The following IPO7 variants were observed in gnomAD, a reference collection of about 807,000 sequenced individuals.
IPO7 encodes importin-7.
Under a neutral mutation model 136.4 loss-of-function variants are expected in IPO7, and 13 were observed. The observed-to-expected ratio is 0.10, with a 90% confidence interval of 0.06 to 0.15. IPO7 has a LOEUF of 0.15. Among genes scored for constraint, IPO7 ranks in the 10% least tolerant of loss-of-function variants. The pLI is 1.00. For synonymous variants in IPO7, 403 were observed against 404.4 expected, an observed-to-expected ratio of 1.00 and a Z score of 0.04; for missense variants, 857 against 1,240.6, an observed-to-expected ratio of 0.69 and a Z score of 4.65.
intron 1 of IPO7, among the ~76,000 whole-genome samples, chr11:9,390,048 G>A (rs946055046): frequency 4.5e-4 from 69 of 151,914 alleles, no homozygotes; most frequent in African/African-American, 1.6e-3. Context: ...GAGCCACTGC[G>A]CCTGGCCTAA....
At chr11:9,432,156 T>C (rs1328225053) in intron 16 of IPO7, among the ~76,000 whole-genome samples, 1 of 152,094 alleles carries the variant, frequency 6.6e-6, no homozygotes, top group Non-Finnish European at 1.5e-5. Flanking sequence ...GTAAATTACA[T>C]GTTTTCTGCA....
At chr11:9,388,329 C>T (rs112125954) in intron 1 of IPO7, among the ~76,000 whole-genome samples, 3,048 of 151,538 alleles carry the variant, frequency 0.02, 97 homozygotes, top group African/African-American at 0.068. Flanking sequence ...AGGCGTTTGC[C>T]ACCACACCTG....
intron 1 of IPO7, among the ~76,000 whole-genome samples, chr11:9,399,071 A>G (rs1027159896): frequency 6.6e-6 from 1 of 152,138 alleles, no homozygotes; most frequent in Non-Finnish European, 1.5e-5. Context: ...TTTGGCTGCT[A>G]AATGGAGAAT....
intron 4 of IPO7, among the ~76,000 whole-genome samples, chr11:9,411,244 T>A (rs1436619041): frequency 6.6e-6 from 1 of 152,220 alleles, no homozygotes; most frequent in Non-Finnish European, 1.5e-5. Context: ...TGGAATTCAG[T>A]TCATTTTCAG....
chr11:9,417,023 A>T (rs1055988854), intron 5 of IPO7, 36 bp from the exon 6 acceptor site: 7 of 969,662 alleles, frequency 7.2e-6, no homozygotes, highest in Non-Finnish European at 1.1e-5. Context: ...TTCTTTAGCA[A>T]GGATTTCGAA....
chr11:9,424,018 T>C (rs576811206), intron 10 of IPO7, 142 bp downstream of exon 10: 1 of 511,088 alleles, frequency 2.0e-6, no homozygotes, highest in Admixed American at 3.9e-5. Context: ...TTTTTGGGGC[T>C]ATTTATTAAT....
At chr11:9,430,576 C>T (rs746758549) in intron 15 of IPO7, 23 of 251,678 alleles carry the variant, frequency 9.1e-5, no homozygotes, top group Non-Finnish European at 1.7e-4. Flanking sequence ...TTAATGAAAA[C>T]TATTCATAAT....
chr11:9,390,731 C>T (rs539185863), intron 1 of IPO7, among the ~76,000 whole-genome samples: 13 of 150,858 alleles, frequency 8.6e-5, no homozygotes, highest in Admixed American at 3.3e-4. Context: ...GGAAGAGGAT[C>T]GCTCGTCCAG....
rs1322573999 is a variant in IPO7 at position 9,434,960 on chromosome 11, G to C, written c.2101G>C (p.Val701Leu). Residue 701 changes from valine (V) to leucine (L), a missense_variant, in exon 19 of 25, where the codon GTA (valine) becomes CTA (leucine). Transcript: ENST00000379719. The part of the protein sequence containing the change: ...TDMMPLLHNY[V>L]TVDTDTLLSD... ...TATGATGCCCCTCCTTCATAATTATGTAACAGTTGATACAGACACACTTCT... is the reference window on the plus strand; with the variant it reads ...TATGATGCCCCTCCTTCATAATTATCTAACAGTTGATACAGACACACTTCT... The C allele has an allele frequency of 1.2e-6, 2 of 1,601,604 alleles. No individual in the cohort carries two copies. The highest frequency in any genetic ancestry group is 2.7e-5 in the African/African-American group (2 of 74,624).
intron 3 of IPO7, among the ~76,000 whole-genome samples, chr11:9,409,439 T>G (rs1854937361): frequency 6.6e-6 from 1 of 152,058 alleles, no homozygotes; most frequent in Admixed American, 6.6e-5. Context: ...CAGTTTGATT[T>G]CACATTGACG....
intron 24 of IPO7, among the ~76,000 whole-genome samples, chr11:9,442,423 T>G (rs1304325419): frequency 1.3e-5 from 2 of 152,088 alleles, no homozygotes; most frequent in Non-Finnish European, 1.5e-5. Context: ...TTTGTTTGTT[T>G]GTTTGTTTGA....
chr11:9,410,404 T>C (rs1854951933), intron 4 of IPO7, among the ~76,000 whole-genome samples: 2 of 152,182 alleles, frequency 1.3e-5, no homozygotes, highest in South Asian at 4.1e-4. Context: ...TTCTAAAATG[T>C]GAAGGTGATC....
At chr11:9,404,768 G>A (rs546661586) in intron 2 of IPO7, among the ~76,000 whole-genome samples, 2 of 151,888 alleles carry the variant, frequency 1.3e-5, no homozygotes, top group African/African-American at 4.8e-5. Flanking sequence ...GGGTTTCACC[G>A]TATTTGCCAG....
In IPO7 at chr11:9,437,962, A is replaced by G. The variant is rs1178518728; in HGVS notation, c.2477A>G (p.Asp826Gly). 1.9e-6 allele frequency: 3 copies of G among 1,610,252 alleles called. No homozygotes were observed. The highest frequency in any genetic ancestry group is 1.7e-6 in the Non-Finnish European group (2 of 1,178,432). ...ATTACACAGTGGCTTAATGATGTTG[A>G]CTGTTTCTTGGGGTAAGTGATGTAT... ...HFITQWLNDV[D>G]CFLGLHDRKM... Residue 826 changes from aspartate (D) to glycine (G), a missense_variant, in exon 21 of 25, where the codon GAC becomes GGC. Coordinates refer to ENST00000379719, the MANE Select transcript of IPO7 (RefSeq NM_006391.3).
intron 12 of IPO7, among the ~76,000 whole-genome samples, chr11:9,426,354 T>G (rs1678738598): frequency 6.6e-6 from 1 of 152,230 alleles, no homozygotes. Flanking sequence ...GTTTCAGTAC[T>G]TTTTCCTTTT....
Position 9,445,317 on chromosome 11 carries a change from C to A in IPO7, c.*123C>A. 2 of 293,954 alleles carry A rather than the reference C, an allele frequency of 6.8e-6. No individual in the cohort carries two copies. Among genetic ancestry groups the A allele is most frequent in the Non-Finnish European group, 6.4e-6 (1 of 156,290 alleles). 18.2% of individuals were successfully genotyped at this position (293,954 alleles called of 1,614,324 possible). ...ATAATCAATAGATGGACAAAAGAAACAACAACCCCAGGAGATGGGACCTGA... is the reference window on the plus strand; with the variant it reads ...ATAATCAATAGATGGACAAAAGAAAAAACAACCCCAGGAGATGGGACCTGA... On this transcript the variant is annotated 3_prime_UTR_variant, in exon 25 of 25. Transcript: ENST00000379719.
intron 18 of IPO7, among the ~76,000 whole-genome samples, chr11:9,434,220 G>A (rs903450058): frequency 3.9e-5 from 6 of 152,112 alleles, no homozygotes; most frequent in Non-Finnish European, 8.8e-5. Context: ...ACTGCGCCTG[G>A]CCTGAACGTA....
chr11:9,384,728 C>G lies in IPO7; in HGVS notation c.-36C>G. The G allele has an allele frequency of 6.5e-7, 1 of 1,532,350 alleles. No homozygotes were observed. Among genetic ancestry groups the G allele is most frequent in the Non-Finnish European group, 8.9e-7 (1 of 1,127,196 alleles). 94.9% of individuals were successfully genotyped at this position (1,532,350 alleles called of 1,614,324 possible). A position where few individuals can be genotyped will look rare whatever the true frequency, so the allele number is the denominator to read the frequency against. ...AGTGGCGCTATTCCTGGCCCAGTAG[C>G]ACCCGAGCCCCGGGTTTGACCGAGT... On this transcript the variant is annotated 5_prime_UTR_variant, in exon 1 of 25. Transcript: ENST00000379719.
chr11:9,397,341 A>AAAAAAATATATATATATATATATAT, intron 1 of IPO7, among the ~76,000 whole-genome samples: 2 of 10,760 alleles, frequency 1.9e-4, no homozygotes, highest in African/African-American at 5.0e-4. Flanking sequence ...TTTAAAAAAA[A>AAAAAAATATATATATATATATATAT]ATATATATAT....
Sources: gnomAD v4.1 joint callset for allele counts (sites outside exome capture counted in the v4.1 genomes callset) on GRCh38, gnomAD v4.1.1 for gene constraint, MANE v1.5 for transcripts, NCBI Gene and HGNC (gene_info 2026-07-23, HGNC 2026-07-21) for gene names.